CSMD1: variants seen among roughly 807,000 people sequenced by gnomAD.
The protein encoded by CSMD1 is CUB and sushi domain-containing protein 1.
A neutral mutation model predicts 417.5 loss-of-function variants in CSMD1; 213 were observed. The observed-to-expected ratio is 0.51, with a 90% CI of 0.46 to 0.57. CSMD1 has a LOEUF of 0.57. Ranked by LOEUF, CSMD1 falls within the 20% of genes least tolerant of loss-of-function variation. The pLI, the probability that CSMD1 is intolerant of heterozygous loss-of-function variation, is 0.00. For missense variants in CSMD1, 6,923 were observed against 4,529.7 expected (o/e 1.53, Z -15.17); for synonymous variants, 2,862 against 1,736.8 (o/e 1.65, Z -16.11).
chr8:4,711,056 G>A (rs1159932778), intron 1 of CSMD1, among the ~76,000 whole-genome samples: 1 of 151,152 alleles, frequency 6.6e-6, no homozygotes, highest in African/African-American at 2.4e-5. Flanking sequence ...ATAAAATTAG[G>A]CAAAATCATG....
chr8:4,089,619 G>A (rs1416440985), intron 3 of CSMD1, among the ~76,000 whole-genome samples: 1 of 152,150 alleles, frequency 6.6e-6, no homozygotes, highest in African/African-American at 2.4e-5. Flanking sequence ...ATAAAATTAT[G>A]TGCACTATTC....
chr8:4,419,657 G>A (rs1035065287), intron 3 of CSMD1, among the ~76,000 whole-genome samples: 4 of 152,184 alleles, frequency 2.6e-5, no homozygotes, highest in Admixed American at 2.6e-4. Flanking sequence ...CCACGTAAGA[G>A]GGCTATTAGT....
intron 3 of CSMD1, among the ~76,000 whole-genome samples, chr8:4,107,291 C>G (rs564457837): frequency 2.0e-5 from 3 of 152,334 alleles, no homozygotes; most frequent in East Asian, 1.9e-4. Context: ...ACACGCTGCA[C>G]TGCCTCATTT....
At chr8:3,097,458 G>A (rs1439201313) in intron 46 of CSMD1, among the ~76,000 whole-genome samples, 1 of 121,068 alleles carries the variant, frequency 8.3e-6, no homozygotes, top group Admixed American at 8.2e-5. Context: ...ATATACAGTA[G>A]GCCCCCTTAC....
At chr8:3,534,045 C>T (rs939503633) in intron 10 of CSMD1, among the ~76,000 whole-genome samples, 3 of 152,264 alleles carry the variant, frequency 2.0e-5, no homozygotes, top group Non-Finnish European at 2.9e-5. Context: ...AAAGTCATTG[C>T]TTGAAGTTAC....
chr8:3,051,778 T>C (rs865867704), intron 50 of CSMD1, among the ~76,000 whole-genome samples: 1 of 152,218 alleles, frequency 6.6e-6, no homozygotes, highest in Non-Finnish European at 1.5e-5. Context: ...AGTTTTAATA[T>C]ACCTGCAATG....
chr8:4,609,737 C>G (rs1354144807), intron 2 of CSMD1, among the ~76,000 whole-genome samples: 1 of 151,998 alleles, frequency 6.6e-6, no homozygotes, highest in Non-Finnish European at 1.5e-5. Context: ...AGAAAAAAGT[C>G]AAAGAAGAAA....
chr8:3,898,023 G>A (rs1187530676), intron 5 of CSMD1, among the ~76,000 whole-genome samples: 1 of 152,170 alleles, frequency 6.6e-6, no homozygotes, highest in Non-Finnish European at 1.5e-5. Context: ...TCCCCAGTTT[G>A]ACAATGCTAT....
At chr8:3,697,087 T>G (rs895817935) in intron 7 of CSMD1, among the ~76,000 whole-genome samples, 2 of 152,184 alleles carry the variant, frequency 1.3e-5, no homozygotes, top group Non-Finnish European at 2.9e-5. Flanking sequence ...CATGAATAAC[T>G]GCAGGCCCAA....
intron 2 of CSMD1, among the ~76,000 whole-genome samples, chr8:4,484,576 G>T (rs769725129): frequency 6.6e-6 from 1 of 152,042 alleles, no homozygotes; most frequent in South Asian, 2.1e-4. Flanking sequence ...TTCATCACTC[G>T]CTCTCTCAGG....
chr8:4,255,741 C>G (rs993634002), intron 3 of CSMD1, among the ~76,000 whole-genome samples: 5 of 152,200 alleles, frequency 3.3e-5, no homozygotes, highest in African/African-American at 9.7e-5. Flanking sequence ...TAAGCATAGA[C>G]TTAAACAAAA....
intron 1 of CSMD1, among the ~76,000 whole-genome samples, chr8:4,873,036 C>G (rs1207750087): frequency 1.3e-5 from 2 of 151,986 alleles, no homozygotes; most frequent in Non-Finnish European, 2.9e-5. Context: ...ATGGTTACCA[C>G]AAATCGTATA....
At chr8:4,147,898 C>A (rs1298757003) in intron 3 of CSMD1, among the ~76,000 whole-genome samples, 1 of 152,102 alleles carries the variant, frequency 6.6e-6, no homozygotes, top group Non-Finnish European at 1.5e-5. Flanking sequence ...TGTGATTCTT[C>A]TCAAAGCCTC....
At chr8:4,469,868 C>CT (rs368325145) in intron 2 of CSMD1, among the ~76,000 whole-genome samples, 27,192 of 144,758 alleles carry the variant, frequency 0.19, 2,487 homozygotes, top group Middle Eastern at 0.24. Flanking sequence ...TTTGGTTTTC[C>CT]TTTTTTTTTT....
chr8:4,222,325 C>T (rs948226933), intron 3 of CSMD1, among the ~76,000 whole-genome samples: 4 of 151,788 alleles, frequency 2.6e-5, no homozygotes, highest in Non-Finnish European at 5.9e-5. Context: ...TTGGGGGATA[C>T]AGTAGGTATC....
At chr8:4,446,769 G>A (rs868828987) in intron 2 of CSMD1, among the ~76,000 whole-genome samples, 1 of 132,862 alleles carries the variant, frequency 7.5e-6, no homozygotes, top group South Asian at 2.4e-4. Context: ...GTGTGTGTGT[G>A]TGTGTGTGTG....
intron 6 of CSMD1, among the ~76,000 whole-genome samples, chr8:3,744,236 C>T (rs1322832032): frequency 3.9e-5 from 6 of 152,084 alleles, no homozygotes; most frequent in Non-Finnish European, 7.4e-5. Flanking sequence ...CAGGTGTGTG[C>T]AACAGGAGCA....
intron 38 of CSMD1, among the ~76,000 whole-genome samples, chr8:3,159,844 T>G (rs1819774237): frequency 6.6e-6 from 1 of 152,194 alleles, no homozygotes; most frequent in African/African-American, 2.4e-5. Context: ...TGGTAAAGAA[T>G]TATTTCTATT....
At chr8:4,323,534 C>G (rs1167579815) in intron 3 of CSMD1, among the ~76,000 whole-genome samples, 1 of 152,014 alleles carries the variant, frequency 6.6e-6, no homozygotes, top group Non-Finnish European at 1.5e-5. Context: ...AGGATCCTGA[C>G]CAGTGTGGGT....
Sources: gnomAD v4.1 joint callset for allele counts (sites outside exome capture counted in the v4.1 genomes callset) on GRCh38, gnomAD v4.1.1 for gene constraint, MANE v1.5 for transcripts, NCBI Gene and HGNC (gene_info 2026-07-23, HGNC 2026-07-21) for gene names.